The following SPINK13 variants were observed in gnomAD, a reference collection of about 807,000 sequenced individuals.
The protein encoded by SPINK13 is serine peptidase inhibitor Kazal type 13.
SPINK13 carries 11 observed loss-of-function variants against 11.0 expected under a neutral mutation model. That is an observed-to-expected ratio of 1.00 (90% CI 0.63 to 1.65). The LOEUF (loss-of-function observed/expected upper bound fraction) is 1.65, where lower values mean the gene tolerates loss of function less well. SPINK13 is among the 40% of genes most tolerant of loss of function. The pLI is 0.00. For missense variants in SPINK13, 113 were observed against 117.7 expected (o/e 0.96, Z 0.19); for synonymous variants, 31 against 35.6 (o/e 0.87, Z 0.46).
intron 3 of SPINK13, among the ~76,000 whole-genome samples, chr5:148,277,472 T>C (rs1224940640): frequency 6.6e-6 from 1 of 152,148 alleles, no homozygotes; most frequent in African/African-American, 2.4e-5. Context: ...GTTCATTGAG[T>C]GTTTTTAGCA....
chr5:148,279,419 G>T (rs1756480545), intron 3 of SPINK13, among the ~76,000 whole-genome samples: 2 of 152,246 alleles, frequency 1.3e-5, no homozygotes, highest in South Asian at 4.1e-4. Flanking sequence ...GCTGATACCG[G>T]TTTTTCCTTC....
At chr5:148,284,421 G>GTCT (rs1756562147) in intron 4 of SPINK13, among the ~76,000 whole-genome samples, 2 of 151,998 alleles carry the variant, frequency 1.3e-5, no homozygotes, top group Non-Finnish European at 2.9e-5. Context: ...AAGAATAAAT[G>GTCT]AAGAGCCCTG....
At chr5:148,270,174 C>T (rs1367937950) in intron 2 of SPINK13, 32 bp downstream of exon 2, 3 of 1,596,078 alleles carry the variant, frequency 1.9e-6, no homozygotes, top group East Asian at 2.2e-5. Context: ...GGGAGATAAA[C>T]TCTGATTTTC....
intron 1 of SPINK13, chr5:148,269,111 C>T (rs1034538459): frequency 2.0e-5 from 3 of 152,174 alleles, no homozygotes; most frequent in East Asian, 1.9e-4. Flanking sequence ...TAGAGTAGGG[C>T]GTGAGCAAGT....
intron 4 of SPINK13, among the ~76,000 whole-genome samples, chr5:148,282,970 A>G (rs1756539795): frequency 6.6e-6 from 1 of 152,178 alleles, no homozygotes; most frequent in South Asian, 2.1e-4. Flanking sequence ...AAACTCAGAA[A>G]AGCTGTTATA....
chr5:148,273,104 C>G (rs1242934303), intron 2 of SPINK13, among the ~76,000 whole-genome samples: 1 of 152,066 alleles, frequency 6.6e-6, no homozygotes, highest in Non-Finnish European at 1.5e-5. Flanking sequence ...AGGGTCATTT[C>G]TGTATCTTTT....
chr5:148,277,771 G>T (rs192177095), intron 3 of SPINK13, among the ~76,000 whole-genome samples: 125 of 152,280 alleles, frequency 8.2e-4, no homozygotes, highest in Non-Finnish European at 6.9e-4. Flanking sequence ...TTGGTATCAG[G>T]ATGATGCTGG....
chr5:148,273,862 C>G (rs915425582), intron 2 of SPINK13, among the ~76,000 whole-genome samples: 6 of 152,216 alleles, frequency 3.9e-5, no homozygotes, highest in African/African-American at 1.4e-4. Flanking sequence ...CCTCATACAA[C>G]CAACCCATAA....
At position 148,270,264 on chromosome 5, in the gene SPINK13, A is replaced by G. The variant is rs1468764948; in HGVS notation, c.70+122A>G. 5.8e-6 allele frequency: 5 copies of G among 864,968 alleles called. No individual in the cohort carries two copies. The African/African-American group carries it at 8.5e-5, about 15-fold the overall frequency. 53.6% of individuals were successfully genotyped at this position (864,968 alleles called of 1,614,324 possible). On this transcript the variant is annotated intron_variant, in intron 2 of 4. Coordinates refer to ENST00000398450, the MANE Select transcript of SPINK13 (RefSeq NM_001040129.3). Reference sequence around the variant, plus strand: ...GCTGAAATGTAAGCCAGTGCAGTCCAAACTGGGTATAATTAAAATGTATAT... The same window carrying G: ...GCTGAAATGTAAGCCAGTGCAGTCCGAACTGGGTATAATTAAAATGTATAT...
At chr5:148,283,950 C>A (rs2113377024) in intron 4 of SPINK13, among the ~76,000 whole-genome samples, 1 of 152,286 alleles carries the variant, frequency 6.6e-6, no homozygotes, top group African/African-American at 2.4e-5. Flanking sequence ...CAACTTCCCA[C>A]AAAGATCATT....
At chr5:148,274,636 A>G (rs190217026) in intron 3 of SPINK13, among the ~76,000 whole-genome samples, 32 of 152,274 alleles carry the variant, frequency 2.1e-4, no homozygotes, top group African/African-American at 6.5e-4. Flanking sequence ...AGCCAGCTAC[A>G]TGGGAGGTTG....
intron 3 of SPINK13, among the ~76,000 whole-genome samples, chr5:148,280,588 C>G (rs1207908837): frequency 6.6e-6 from 1 of 152,154 alleles, no homozygotes; most frequent in Non-Finnish European, 1.5e-5. Flanking sequence ...CACTCCAGCC[C>G]CTGTCTGGTT....
At chr5:148,271,812 G>T (rs1756355635) in intron 2 of SPINK13, among the ~76,000 whole-genome samples, 1 of 151,432 alleles carries the variant, frequency 6.6e-6, no homozygotes, top group Admixed American at 6.6e-5. Flanking sequence ...TTTTAGTAGA[G>T]ACGAGGTTTC....
intron 3 of SPINK13, among the ~76,000 whole-genome samples, chr5:148,279,091 CTTTT>C (rs746029113): frequency 4.3e-4 from 22 of 51,672 alleles, no homozygotes; most frequent in African/African-American, 1.1e-3. Flanking sequence ...GCAACCCCTG[CTTTT>C]TTTTTTTTTT....
intron 3 of SPINK13, among the ~76,000 whole-genome samples, chr5:148,281,107 C>G (rs145611320): frequency 0.012 from 1,792 of 152,256 alleles, 42 homozygotes; most frequent in African/African-American, 0.039. Context: ...CCTACTCAAG[C>G]CTCAGTAATG....
intron 3 of SPINK13, among the ~76,000 whole-genome samples, chr5:148,275,993 A>G: frequency 6.6e-6 from 1 of 152,052 alleles, no homozygotes; most frequent in East Asian, 1.9e-4. Context: ...CGCCATTCTA[A>G]CTGGTGTGAG....
At position 148,273,386 on chromosome 5, in the gene SPINK13, G is replaced by A. The variant is rs534306559; in HGVS notation, c.71-961G>A. 3.9e-5 allele frequency among the ~76,000 whole-genome samples: 6 copies of A among 151,988 alleles called. No homozygotes were observed. The East Asian group carries it at 1.2e-3, about 29-fold the overall frequency. On this transcript the variant is annotated intron_variant, in intron 2 of 4. Coordinates refer to ENST00000398450, the MANE Select transcript of SPINK13 (RefSeq NM_001040129.3). ...ATTATGTCATTTTAATTATTGTATAGTTTTATTTTTTTATGTTTAAATCCT... is the reference window on the plus strand; with the variant it reads ...ATTATGTCATTTTAATTATTGTATAATTTTATTTTTTTATGTTTAAATCCT...
intron 2 of SPINK13, among the ~76,000 whole-genome samples, chr5:148,272,478 T>C (rs1228569983): frequency 3.9e-5 from 6 of 152,326 alleles, no homozygotes; most frequent in Admixed American, 2.0e-4. Context: ...GTGGAAAGGA[T>C]GATTCTTTTT....
intron 3 of SPINK13, among the ~76,000 whole-genome samples, chr5:148,281,094 C>CTTTGTTTA (rs1756506539): frequency 2.0e-5 from 3 of 152,130 alleles, no homozygotes; most frequent in African/African-American, 7.2e-5. Flanking sequence ...GAGGGGAAAA[C>CTTTGTTTA]CACCTACTCA....
Sources: allele counts gnomAD v4.1 joint callset (sites outside exome capture counted in the v4.1 genomes callset), GRCh38; gene constraint gnomAD v4.1.1; transcripts MANE v1.5; gene names NCBI Gene and HGNC (gene_info 2026-07-23, HGNC 2026-07-21).